Variants in LDB2 observed in about 807,000 individuals in gnomAD.
LDB2 encodes LIM domain binding 2.
In LDB2, 12 loss-of-function variants were observed where a neutral mutation model predicts 44.3. That is an observed-to-expected ratio of 0.27 (90% confidence interval 0.17 to 0.44). The LOEUF is 0.44. Among genes scored for constraint, LDB2 ranks in the 20% least tolerant of loss-of-function variants. The pLI, the probability that LDB2 is intolerant of heterozygous loss-of-function variation, is 1.00. For missense variants in LDB2, 344 were observed against 473.5 expected (o/e 0.73, Z 2.54); for synonymous variants, 164 against 174.8 (o/e 0.94, Z 0.49).
chr4:16,671,655 G>A (rs983896978), intron 2 of LDB2, among the ~76,000 whole-genome samples: 3 of 152,048 alleles, frequency 2.0e-5, no homozygotes, highest in African/African-American at 7.2e-5. Context: ...CAGACCATTC[G>A]GAGTCAGAAG....
chr4:16,618,509 GTGTA>G (rs1435006728), intron 2 of LDB2, among the ~76,000 whole-genome samples: 3 of 152,138 alleles, frequency 2.0e-5, no homozygotes, highest in Non-Finnish European at 2.9e-5. Flanking sequence ...ATGTGTGTTT[GTGTA>G]TGTGTGTATA....
At chr4:16,720,491 C>T (rs1224015662) in intron 2 of LDB2, among the ~76,000 whole-genome samples, 1 of 152,092 alleles carries the variant, frequency 6.6e-6, no homozygotes, top group African/African-American at 2.4e-5. Context: ...ATGTCTCCTA[C>T]CGGTTTTGTT....
intron 1 of LDB2, among the ~76,000 whole-genome samples, chr4:16,849,408 G>A (rs994971685): frequency 6.6e-6 from 1 of 152,096 alleles, no homozygotes; most frequent in Non-Finnish European, 1.5e-5. Flanking sequence ...CTTATTCATC[G>A]TGTCCATTGT....
chr4:16,546,756 T>C lies in LDB2; in HGVS notation c.616-34652A>G, dbSNP rs1179106892. ...CAGTGGTATTTAACCTTGCTGTCCA[T>C]GTCATCCTTTTCATATATAAAACTC... On this transcript the variant is annotated intron_variant, in intron 5 of 7. Transcript: ENST00000304523. Among the ~76,000 whole-genome samples, 4 of 152,228 alleles carry C rather than the reference T, an allele frequency of 2.6e-5. No individual in the cohort carries two copies. The East Asian group carries it at 7.7e-4, about 29-fold the overall frequency.
At chr4:16,606,741 G>T (rs527750710) in intron 2 of LDB2, among the ~76,000 whole-genome samples, 39 of 152,306 alleles carry the variant, frequency 2.6e-4, no homozygotes, top group African/African-American at 8.9e-4. Flanking sequence ...AAGTAGAAAA[G>T]AAAATCTACT....
intron 5 of LDB2, among the ~76,000 whole-genome samples, chr4:16,578,452 G>C (rs577150434): frequency 3.3e-5 from 5 of 152,064 alleles, no homozygotes; most frequent in Non-Finnish European, 7.4e-5. Flanking sequence ...TATATGAAAA[G>C]GTGCTCAACA....
At chr4:16,728,143 G>T (rs1759930498) in intron 2 of LDB2, among the ~76,000 whole-genome samples, 1 of 152,130 alleles carries the variant, frequency 6.6e-6, no homozygotes, top group Admixed American at 6.6e-5. Flanking sequence ...GGTGGCACAG[G>T]GCAGGGTGTG....
intron 1 of LDB2, among the ~76,000 whole-genome samples, chr4:16,845,519 T>C (rs1204634105): frequency 6.6e-6 from 1 of 152,206 alleles, no homozygotes; most frequent in Non-Finnish European, 1.5e-5. Context: ...TTTGTTATGG[T>C]TGCTAATACT....
intron 2 of LDB2, among the ~76,000 whole-genome samples, chr4:16,628,194 G>A (rs923239859): frequency 1.3e-5 from 2 of 152,184 alleles, no homozygotes; most frequent in African/African-American, 4.8e-5. Context: ...TAAACTCTGT[G>A]TGAATCAGAA....
At chr4:16,645,887 T>C (rs938533764) in intron 2 of LDB2, among the ~76,000 whole-genome samples, 4 of 152,168 alleles carry the variant, frequency 2.6e-5, no homozygotes, top group African/African-American at 9.7e-5. Context: ...GTCTTGAAAA[T>C]CAGCAGAATG....
intron 5 of LDB2, among the ~76,000 whole-genome samples, chr4:16,555,679 C>A (rs71603326): frequency 0.044 from 6,679 of 152,282 alleles, 220 homozygotes; most frequent in South Asian, 0.12. Flanking sequence ...TGCCTGGAAG[C>A]TTTCTCTGAT....
At chr4:16,806,015 T>C (rs772126699) in intron 1 of LDB2, among the ~76,000 whole-genome samples, 26 of 152,210 alleles carry the variant, frequency 1.7e-4, no homozygotes, top group Non-Finnish European at 3.4e-4. Flanking sequence ...ACTTACTATG[T>C]GATTGGTTTC....
At chr4:16,521,246 G>A (rs1016536351) in intron 5 of LDB2, among the ~76,000 whole-genome samples, 2 of 152,142 alleles carry the variant, frequency 1.3e-5, no homozygotes, top group African/African-American at 4.8e-5. Context: ...GCAGGGCCGA[G>A]CTCCCTCTGA....
intron 2 of LDB2, among the ~76,000 whole-genome samples, chr4:16,687,471 A>C (rs903950573): frequency 2.0e-5 from 3 of 152,182 alleles, no homozygotes; most frequent in African/African-American, 7.2e-5. Flanking sequence ...CTGCCTCCAA[A>C]ATGGTAGAAA....
chr4:16,542,556 G>C (rs1431491463), intron 5 of LDB2, among the ~76,000 whole-genome samples: 1 of 152,130 alleles, frequency 6.6e-6, no homozygotes, highest in Admixed American at 6.5e-5. Context: ...GAGAAGCAGA[G>C]GCTAGATGAT....
At chr4:16,805,550 G>C (rs961077919) in intron 1 of LDB2, among the ~76,000 whole-genome samples, 5 of 152,200 alleles carry the variant, frequency 3.3e-5, no homozygotes, top group Non-Finnish European at 7.3e-5. Context: ...CTTGATTGGA[G>C]TAGAGAGAAA....
intron 2 of LDB2, among the ~76,000 whole-genome samples, chr4:16,640,006 AT>A (rs1034221900): frequency 1.5e-4 from 23 of 152,328 alleles, no homozygotes; most frequent in African/African-American, 5.5e-4. Flanking sequence ...AAGTTAGCTA[AT>A]TCCCAAATTT....
At chr4:16,693,425 G>A (rs564638785) in intron 2 of LDB2, among the ~76,000 whole-genome samples, 4 of 146,376 alleles carry the variant, frequency 2.7e-5, no homozygotes, top group East Asian at 2.2e-4. Flanking sequence ...ACGCCATCGC[G>A]GCTCACCGCA....
intron 7 of LDB2, chr4:16,506,521 ATGAAAT>A (rs1164294053): frequency 6.5e-6 from 1 of 152,964 alleles, no homozygotes; most frequent in Non-Finnish European, 1.5e-5. Flanking sequence ...CCTCTTTCAA[ATGAAAT>A]TGAAATGATT....
Sources: gnomAD v4.1 joint callset for allele counts (sites outside exome capture counted in the v4.1 genomes callset) on GRCh38, gnomAD v4.1.1 for gene constraint, MANE v1.5 for transcripts, NCBI Gene and HGNC (gene_info 2026-07-23, HGNC 2026-07-21) for gene names.